STK24: variants seen among roughly 807,000 people sequenced by gnomAD.
STK24 encodes serine/threonine-protein kinase 24.
STK24 carries 21 observed loss-of-function variants against 55.6 expected under a neutral mutation model. That is an observed-to-expected ratio of 0.38 (90% CI 0.27 to 0.54). The LOEUF (loss-of-function observed/expected upper bound fraction) is 0.54. STK24 is among the 20% of genes least tolerant of loss of function. The probability of loss-of-function intolerance (pLI) is 0.79; values close to 1 mark genes in which losing one functional copy is unlikely to be tolerated. For synonymous variants in STK24, 200 were observed against 215.2 expected, an observed-to-expected ratio of 0.93 and a Z score of 0.62; for missense variants, 383 against 538.4, an observed-to-expected ratio of 0.71 and a Z score of 2.86.
At position 98,460,445 on chromosome 13, in the gene STK24, G is replaced by A. The variant is rs374621912; in HGVS notation, c.1054-5C>T. The A allele has an allele frequency of 2.7e-4, 441 of 1,611,834 alleles. No homozygotes were observed. In the Middle Eastern group the frequency reaches 5.3e-3, roughly 19 times the overall value. On this transcript the variant is annotated splice_polypyrimidine_tract_variant and splice_region_variant and intron_variant, in intron 8 of 10. Transcript: ENST00000539966. ...CCTCTTCGGGATGTCTTTCATCTTG[G>A]GGGAGAGGGAAAAAAAGGTCATCAG... is the stretch of plus-strand genomic sequence containing the variant.
chr13:98,515,214 T>C (rs1896016202), intron 2 of STK24, among the ~76,000 whole-genome samples: 1 of 151,946 alleles, frequency 6.6e-6, no homozygotes, highest in African/African-American at 2.4e-5. Flanking sequence ...CTCGTTACAA[T>C]TATATGTCTT....
intron 2 of STK24, among the ~76,000 whole-genome samples, chr13:98,502,351 T>C (rs562361602): frequency 1.2e-3 from 185 of 152,296 alleles, no homozygotes; most frequent in African/African-American, 4.4e-3. Context: ...ACTGACACCT[T>C]ACTCTAGGTC....
At chr13:98,508,540 G>C (rs1594623565) in intron 2 of STK24, among the ~76,000 whole-genome samples, 1 of 152,202 alleles carries the variant, frequency 6.6e-6, no homozygotes, top group Non-Finnish European at 1.5e-5. Flanking sequence ...ATGCTACTTA[G>C]AATTTCTGTT....
chr13:98,530,044 C>T (rs878899438), intron 1 of STK24, among the ~76,000 whole-genome samples: 8 of 152,048 alleles, frequency 5.3e-5, no homozygotes, highest in African/African-American at 1.2e-4. Flanking sequence ...GGAAAAATGA[C>T]GGCAAAGAAA....
intron 2 of STK24, among the ~76,000 whole-genome samples, chr13:98,482,735 C>T (rs1487953553): frequency 3.3e-5 from 5 of 152,174 alleles, no homozygotes; most frequent in African/African-American, 7.2e-5. Flanking sequence ...AAGGCAAGAC[C>T]CTCTCCTCTT....
chr13:98,497,722 A>G (rs1406942290), intron 2 of STK24, among the ~76,000 whole-genome samples: 1 of 152,108 alleles, frequency 6.6e-6, no homozygotes, highest in Admixed American at 6.5e-5. Context: ...CTTGTCTCTC[A>G]TTTAGATAAA....
rs1566392173 is a variant in STK24, at chr13:98,535,389, A to ATG, written c.43-15918_43-15917dup. Among the ~76,000 whole-genome samples, 122 of 124,220 alleles carry ATG rather than the reference A, an allele frequency of 9.8e-4. 2 individuals carry two copies. Among genetic ancestry groups the ATG allele is most frequent in the East Asian group, 5.5e-3 (25 of 4,576 alleles). The allele number at this position is 124,220 out of a possible 152,430, so 81.5% of individuals were successfully genotyped here. On this transcript the variant is annotated intron_variant, in intron 1 of 10. Coordinates refer to ENST00000539966, the MANE Select transcript of STK24 (RefSeq NM_001032296.4). ...AAAAAAAATATATATATATATATAT[A>ATG]TGTGTGTATACACACACACACACAC... is the stretch of plus-strand genomic sequence containing the variant.
At chr13:98,563,420 A>C (rs1897482311) in intron 1 of STK24, among the ~76,000 whole-genome samples, 1 of 152,212 alleles carries the variant, frequency 6.6e-6, no homozygotes. Flanking sequence ...TCTGAATGAC[A>C]CAAGTTGTTT....
intron 1 of STK24, among the ~76,000 whole-genome samples, chr13:98,551,789 G>A (rs752580858): frequency 6.6e-6 from 1 of 152,160 alleles, no homozygotes; most frequent in Non-Finnish European, 1.5e-5. Context: ...AAGGACAGCA[G>A]GTATGGCGTA....
chr13:98,564,360 C>T (rs778427244), intron 1 of STK24, among the ~76,000 whole-genome samples: 2 of 152,206 alleles, frequency 1.3e-5, no homozygotes, highest in Non-Finnish European at 2.9e-5. Flanking sequence ...AGAGCTTGCT[C>T]GGGGGCTTCC....
At position 98,447,507 on chromosome 13, in the gene STK24, G is replaced by C. The variant is rs957686452; in HGVS notation, c.*5666C>G. The stretch of plus-strand genomic sequence containing the variant: ...CCAGATCCTGAAAGGCCTGGGACAA[G>C]GCCAGGTAATTTGGGGAGTCCGTCC... On this transcript the variant is annotated 3_prime_UTR_variant, in exon 11 of 11. Coordinates refer to ENST00000539966, the MANE Select transcript of STK24 (RefSeq NM_001032296.4). 1.3e-5 allele frequency: 2 copies of C among 152,376 alleles called. No individual in the cohort carries two copies. Among genetic ancestry groups the C allele is most frequent in the Admixed American group, 6.5e-5 (1 of 15,292 alleles). The allele number at this position is 152,376 out of a possible 1,614,324, so 9.4% of individuals were successfully genotyped here. A position where few individuals can be genotyped will look rare whatever the true frequency, so the allele number is the denominator to read the frequency against.
At chr13:98,570,480 C>T (rs976433321) in intron 1 of STK24, among the ~76,000 whole-genome samples, 1 of 152,178 alleles carries the variant, frequency 6.6e-6, no homozygotes, top group African/African-American at 2.4e-5. Flanking sequence ...ACCCCAGCTA[C>T]GTACTTGGTA....
At chr13:98,570,478 T>G (rs1169829762) in intron 1 of STK24, among the ~76,000 whole-genome samples, 1 of 152,236 alleles carries the variant, frequency 6.6e-6, no homozygotes, top group African/African-American at 2.4e-5. Context: ...AAACCCCAGC[T>G]ACGTACTTGG....
chr13:98,507,077 G>A (rs1313488414), intron 2 of STK24, among the ~76,000 whole-genome samples: 4 of 152,244 alleles, frequency 2.6e-5, no homozygotes, highest in Admixed American at 6.5e-5. Context: ...GAGAGCCAGC[G>A]AGGATGCCTC....
At chr13:98,545,673 A>G (rs1221751602) in intron 1 of STK24, among the ~76,000 whole-genome samples, 1 of 151,554 alleles carries the variant, frequency 6.6e-6, no homozygotes, top group Non-Finnish European at 1.5e-5. Context: ...TGGCTTCAGG[A>G]AGAAGATTTT....
At chr13:98,539,317 A>AGT (rs1896822357) in intron 1 of STK24, among the ~76,000 whole-genome samples, 1 of 152,178 alleles carries the variant, frequency 6.6e-6, no homozygotes, top group East Asian at 1.9e-4. Flanking sequence ...TGGAAGTAGG[A>AGT]GTACATCTAT....
chr13:98,525,688 C>G (rs1343783939), intron 1 of STK24, among the ~76,000 whole-genome samples: 3 of 152,168 alleles, frequency 2.0e-5, no homozygotes, highest in Admixed American at 1.3e-4. Flanking sequence ...CCGAGCTCAC[C>G]GAGCCTCGAG....
chr13:98,527,637 T>A (rs1271858180), intron 1 of STK24, among the ~76,000 whole-genome samples: 1 of 151,914 alleles, frequency 6.6e-6, no homozygotes, highest in African/African-American at 2.4e-5. Context: ...CTTGAACGAC[T>A]GGGGAGGGCA....
chr13:98,468,438 G>A (rs1482159470), intron 5 of STK24, among the ~76,000 whole-genome samples: 1 of 152,236 alleles, frequency 6.6e-6, no homozygotes, highest in Non-Finnish European at 1.5e-5. Flanking sequence ...GGAAGCAGGT[G>A]CATGGGAGCA....
Sources: allele counts gnomAD v4.1 joint callset (sites outside exome capture counted in the v4.1 genomes callset), GRCh38; gene constraint gnomAD v4.1.1; transcripts MANE v1.5; gene names NCBI Gene and HGNC (gene_info 2026-07-23, HGNC 2026-07-21).